LSM14B: variants seen among roughly 807,000 people sequenced by gnomAD.
The protein encoded by LSM14B is LSM family member 14B.
LSM14B carries 8 observed loss-of-function variants against 42.1 expected under a neutral mutation model. The ratio of observed to expected loss-of-function variants is 0.19; its 90% CI spans 0.11 to 0.34. The LOEUF is 0.34. LSM14B is among the 10% of genes least tolerant of loss of function. LSM14B has a pLI of 1.00. For missense variants in LSM14B, 396 were observed against 513.1 expected, an observed-to-expected ratio of 0.77 and a Z score of 2.21; for synonymous variants, 219 against 209.7, an observed-to-expected ratio of 1.04 and a Z score of -0.38.
At position 62,133,473 on chromosome 20, in the gene LSM14B, A is replaced by C; in HGVS notation, c.*12A>C. 6.2e-7 allele frequency: 1 copy of C among 1,609,684 alleles called. No homozygotes were observed. The highest frequency in any genetic ancestry group is 8.5e-7 in the Non-Finnish European group (1 of 1,178,578). On this transcript the variant is annotated splice_region_variant and 3_prime_UTR_variant, in exon 8 of 9. Transcript: ENST00000279068. ...CTGGCAGGGTGTGAGGGTGCAGCCAAAGGTGAGTGGATGAACCTTCTGGAC... is the reference window on the plus strand; with the variant it reads ...CTGGCAGGGTGTGAGGGTGCAGCCACAGGTGAGTGGATGAACCTTCTGGAC...
intron 3 of LSM14B, among the ~76,000 whole-genome samples, chr20:62,129,230 G>A (rs997966985): frequency 6.6e-6 from 1 of 152,200 alleles, no homozygotes; most frequent in African/African-American, 2.4e-5. Flanking sequence ...GTCAGCTCCT[G>A]CTTCATCATT....
In LSM14B at chr20:62,129,173, G is replaced by C. The variant is rs1219377029; in HGVS notation, c.428-612G>C. 9 of 359,512 alleles carry C rather than the reference G, an allele frequency of 2.5e-5. No homozygotes were observed. In the East Asian group the frequency reaches 4.4e-4, roughly 18 times the overall value. 22.3% of individuals were successfully genotyped at this position (359,512 alleles called of 1,614,324 possible). On this transcript the variant is annotated intron_variant, in intron 3 of 8. Transcript: ENST00000279068. ...ACCTAGGAGCCCTTTGTGTCTTCAT[G>C]ATGAGCCTTTGCCCTTGAGAGAAGT...
Position 62,130,486 on chromosome 20 carries a change from G to T in LSM14B, c.674-44G>T. The T allele has an allele frequency of 6.2e-7, 1 of 1,603,360 alleles. No individual in the cohort carries two copies. The stretch of plus-strand genomic sequence containing the variant: ...CCTTGTGAGGTGTTTGAGATCACTG[G>T]GTTGGTGACCTACTTCAGCCAGGGC... On this transcript the variant is annotated intron_variant, in intron 5 of 8. Coordinates refer to ENST00000279068, the MANE Select transcript of LSM14B (RefSeq NM_144703.3). This position sits in a 1 kb window ranked among gnomAD's most constrained non-coding sequence, Gnocchi z 4.1.
intron 3 of LSM14B, chr20:62,128,073 G>A: frequency 3.8e-6 from 2 of 528,680 alleles, no homozygotes; most frequent in South Asian, 2.1e-5. Flanking sequence ...TGACATGCCT[G>A]TTTTGCTCTT....
chr20:62,126,952 G>T (rs1040637580), intron 3 of LSM14B, among the ~76,000 whole-genome samples: 1 of 152,166 alleles, frequency 6.6e-6, no homozygotes, highest in African/African-American at 2.4e-5. Context: ...AACTGAGATT[G>T]CACCACTGCA....
chr20:62,125,339 G>A (rs954434303), intron 2 of LSM14B, among the ~76,000 whole-genome samples: 3 of 152,200 alleles, frequency 2.0e-5, no homozygotes, highest in Non-Finnish European at 2.9e-5. Flanking sequence ...GCATGTGCGC[G>A]TGTGTAGTGT....
At chr20:62,133,799 C>T (rs1487044323) in intron 8 of LSM14B, among the ~76,000 whole-genome samples, 1 of 152,244 alleles carries the variant, frequency 6.6e-6, no homozygotes, top group Non-Finnish European at 1.5e-5. Flanking sequence ...GCTCCAAAGC[C>T]AGTGTCTTGG....
intron 7 of LSM14B, among the ~76,000 whole-genome samples, chr20:62,132,242 C>T (rs187755604): frequency 6.6e-6 from 1 of 152,354 alleles, no homozygotes; most frequent in East Asian, 1.9e-4. Flanking sequence ...TTCTCACAGG[C>T]AGAGCAGGCT....
At position 62,134,486 on chromosome 20, in the gene LSM14B, T is replaced by C. The variant is rs2056853625; in HGVS notation, c.*338T>C. 2 of 318,428 alleles carry C rather than the reference T, an allele frequency of 6.3e-6. No individual in the cohort carries two copies. Among genetic ancestry groups the C allele is most frequent in the African/African-American group, 2.3e-5 (1 of 43,778 alleles). The allele number at this position is 318,428 out of a possible 1,614,324, so 19.7% of individuals were successfully genotyped here. A position where few individuals can be genotyped will look rare whatever the true frequency, so the allele number is the denominator to read the frequency against. On this transcript the variant is annotated 3_prime_UTR_variant, in exon 9 of 9. Coordinates refer to ENST00000279068, the MANE Select transcript of LSM14B (RefSeq NM_144703.3). ...CCTTACTTTGTGACTTTTTTTTTTT[T>C]TTTTAATGACAAGCTTTGACTTTTA...
In LSM14B at chr20:62,129,963, A is replaced by C; in HGVS notation, c.595+11A>C. 6.2e-7 allele frequency: 1 copy of C among 1,601,728 alleles called. No individual in the cohort carries two copies. The highest frequency in any genetic ancestry group is 8.5e-7 in the Non-Finnish European group (1 of 1,174,702). On this transcript the variant is annotated intron_variant, in intron 4 of 8. Coordinates refer to ENST00000279068, the MANE Select transcript of LSM14B (RefSeq NM_144703.3). ...GCAAGACGGCCAGCGGTACTTGAAC[A>C]CATCATTTCCTGGAGTTTGCTTGAT...
Position 62,130,937 on chromosome 20 carries a change from G to A in LSM14B, c.835+246G>A, listed in dbSNP as rs1179974445. ...TGGGCGCCTGTAATCCCAGCTACTCGGGAGACTGAGACAGGAGAATCGTTT... is the reference window on the plus strand; with the variant it reads ...TGGGCGCCTGTAATCCCAGCTACTCAGGAGACTGAGACAGGAGAATCGTTT... On this transcript the variant is annotated intron_variant, in intron 6 of 8. Coordinates refer to ENST00000279068, the MANE Select transcript of LSM14B (RefSeq NM_144703.3). This position sits in a 1 kb window ranked among gnomAD's most constrained non-coding sequence, Gnocchi z 4.1. Among the ~76,000 whole-genome samples, 2 of 152,118 alleles carry A rather than the reference G, an allele frequency of 1.3e-5. No individual in the cohort carries two copies. Among genetic ancestry groups the A allele is most frequent in the African/African-American group, 4.8e-5 (2 of 41,416 alleles).
At chr20:62,133,228 A>G in intron 7 of LSM14B, 62 bp from the exon 8 acceptor site, 1 of 1,581,268 alleles carries the variant, frequency 6.3e-7, no homozygotes. Flanking sequence ...TCTGAGGACG[A>G]GGCCTGGCCA....
chr20:62,133,553 G>A lies in LSM14B; in HGVS notation c.*14+78G>A, dbSNP rs928796822. The stretch of plus-strand genomic sequence containing the variant: ...CACCTGGAGAGCTTAGGAAGGTGGG[G>A]AGCAGGCTCGGTTTCCCAGGAAGAA... On this transcript the variant is annotated intron_variant, in intron 8 of 8. Coordinates refer to ENST00000279068, the MANE Select transcript of LSM14B (RefSeq NM_144703.3). 35 of 1,483,754 alleles carry A rather than the reference G, an allele frequency of 2.4e-5. No homozygotes were observed. The African/African-American group carries it at 3.9e-4, about 16-fold the overall frequency. The allele number at this position is 1,483,754 out of a possible 1,614,324, so 91.9% of individuals were successfully genotyped here. A position where few individuals can be genotyped will look rare whatever the true frequency, so the allele number is the denominator to read the frequency against.
Position 62,130,456 on chromosome 20 carries a change from A to G in LSM14B, c.674-74A>G, listed in dbSNP as rs1366044697. On this transcript the variant is annotated intron_variant, in intron 5 of 8. Transcript: ENST00000279068. This position sits in a 1 kb window ranked among gnomAD's most constrained non-coding sequence, Gnocchi z 4.1. ...TCTGTGGCCTTGGGGGTGTGCCTGG[A>G]AATTCCTTGTGAGGTGTTTGAGATC... 3.8e-6 allele frequency: 6 copies of G among 1,572,986 alleles called. No homozygotes were observed. In the East Asian group the frequency reaches 1.1e-4, roughly 30 times the overall value.
Position 62,130,447 on chromosome 20 carries a change from T to G in LSM14B, c.674-83T>G, listed in dbSNP as rs1385989361. ...TCTGTTCCTTCTGTGGCCTTGGGGG[T>G]GTGCCTGGAAATTCCTTGTGAGGTG... On this transcript the variant is annotated intron_variant, in intron 5 of 8. Transcript: ENST00000279068. This position sits in a 1 kb window ranked among gnomAD's most constrained non-coding sequence, Gnocchi z 4.1. 26 of 1,557,716 alleles carry G rather than the reference T, an allele frequency of 1.7e-5. No individual in the cohort carries two copies. Among genetic ancestry groups the G allele is most frequent in the Non-Finnish European group, 2.2e-5 (25 of 1,148,080 alleles).
In LSM14B at chr20:62,129,654, G is replaced by A. The variant is rs766925630; in HGVS notation, c.428-131G>A. 7.0e-5 allele frequency: 73 copies of A among 1,041,440 alleles called. No homozygotes were observed. The Middle Eastern group carries it at 9.5e-4, about 14-fold the overall frequency. 64.5% of individuals were successfully genotyped at this position (1,041,440 alleles called of 1,614,324 possible). A position where few individuals can be genotyped will look rare whatever the true frequency, so the allele number is the denominator to read the frequency against. ...GGCCCAGTCTGGGGGTGCTTTGCCT[G>A]GATTTGATAGAACATCTAGGCAGTT... is the stretch of plus-strand genomic sequence containing the variant. On this transcript the variant is annotated intron_variant, in intron 3 of 8. Transcript: ENST00000279068.
Position 62,131,373 on chromosome 20 carries a change from G to C in LSM14B, c.853G>C (p.Gly285Arg), listed in dbSNP as rs1430617943. ...LNFKDDKAEK[G>R]EEKDLAVVTQ... Reference sequence around the variant, plus strand: ...TTTTGTAGATGACAAGGCTGAGAAGGGGGAAGAGAAGGACCTGGCTGTGGT... The same window carrying C: ...TTTTGTAGATGACAAGGCTGAGAAGCGGGAAGAGAAGGACCTGGCTGTGGT... Residue 285 changes from glycine to arginine, a missense_variant, in exon 7 of 9, where the codon GGG (glycine) becomes CGG (arginine). Gly to Arg is a moderately radical substitution (Grantham distance 125). Transcript: ENST00000279068. The C allele has an allele frequency of 3.1e-6, 5 of 1,604,196 alleles. No individual in the cohort carries two copies. Among genetic ancestry groups the C allele is most frequent in the Non-Finnish European group, 4.3e-6 (5 of 1,174,890 alleles).
In LSM14B at chr20:62,129,945, G is replaced by A. The variant is rs781352100; in HGVS notation, c.588G>A (p.Thr196=). 1.4e-5 allele frequency: 22 copies of A among 1,612,560 alleles called. No homozygotes were observed. The highest frequency in any genetic ancestry group is 2.2e-5 in the East Asian group (1 of 44,894). ...GTCAGGCCCAGCCGAGCAGCAAGAC[G>A]GCCAGCGGTACTTGAACACATCATT... ...NGRQAQPSSK[T]ASDVVQPAAV... is the part of the protein sequence containing the mutation. The change falls in exon 4 of 9, where the codon ACG becomes ACA. Residue 196 remains threonine, a synonymous_variant. Coordinates refer to ENST00000279068, the MANE Select transcript of LSM14B (RefSeq NM_144703.3).
At position 62,122,879 on chromosome 20, in the gene LSM14B, C is replaced by T; in HGVS notation, c.127+86C>T. The T allele has an allele frequency of 8.5e-7, 1 of 1,177,914 alleles. No homozygotes were observed. The highest frequency in any genetic ancestry group is 1.7e-5 in the African/African-American group (1 of 60,442). The allele number at this position is 1,177,914 out of a possible 1,614,324, so 73.0% of individuals were successfully genotyped here. A position where few individuals can be genotyped will look rare whatever the true frequency, so the allele number is the denominator to read the frequency against. ...GTGCCCTCCCCGCCCCGGGGCGCCC[C>T]GGAGCCTGGCGCCCAGACCCCGCCC... On this transcript the variant is annotated intron_variant, in intron 1 of 8. Transcript: ENST00000279068. This position sits in a 1 kb window ranked among gnomAD's most constrained non-coding sequence, Gnocchi z 4.6.
Sources: allele counts gnomAD v4.1 joint callset (sites outside exome capture counted in the v4.1 genomes callset), GRCh38; gene constraint gnomAD v4.1.1; non-coding constraint Gnocchi (gnomAD v3.1); transcripts MANE v1.5; gene names NCBI Gene and HGNC (gene_info 2026-07-23, HGNC 2026-07-21).